The following MELTF variants were observed in gnomAD, a reference collection of about 807,000 sequenced individuals.
MELTF encodes the protein antigen p97 (melanoma associated) identified by monoclonal antibodies 133.2 and 96.5.
A neutral mutation model predicts 83.7 loss-of-function variants in MELTF; 67 were observed. The ratio of observed to expected loss-of-function variants is 0.80; its 90% CI spans 0.66 to 0.98. MELTF has a LOEUF of 0.98. Ranked by LOEUF, MELTF falls within the 50% of genes least tolerant of loss-of-function variation. The probability of loss-of-function intolerance (pLI) is 0.00; values close to 1 mark genes in which losing one functional copy is unlikely to be tolerated. For synonymous variants in MELTF, 462 were observed against 447.6 expected, an observed-to-expected ratio of 1.03 and a Z score of -0.41; for missense variants, 1,002 against 1,035.6, an observed-to-expected ratio of 0.97 and a Z score of 0.44.
At chr3:197,012,185 T>C (rs1577931699) in intron 9 of MELTF, among the ~76,000 whole-genome samples, 1 of 152,112 alleles carries the variant, frequency 6.6e-6, no homozygotes, top group Non-Finnish European at 1.5e-5. Flanking sequence ...GCTGGGGTGG[T>C]CTCCACTCCT....
chr3:197,006,002 C>T lies in MELTF; in HGVS notation c.1938+547G>A, dbSNP rs1230599747. Among the ~76,000 whole-genome samples, 1 of 152,066 alleles carries T rather than the reference C, an allele frequency of 6.6e-6. No homozygotes were observed. Among genetic ancestry groups the T allele is most frequent in the Non-Finnish European group, 1.5e-5 (1 of 68,012 alleles). ...TTGGGAGGCCGAGGTGGGCGGATCA[C>T]GAGGTCAGGAGATCGAGACCATCCT... is the stretch of plus-strand genomic sequence containing the variant. On this transcript the variant is annotated intron_variant, in intron 14 of 15. Coordinates refer to ENST00000296350, the MANE Select transcript of MELTF (RefSeq NM_005929.6). This position sits in a 1 kb window ranked among gnomAD's most constrained non-coding sequence, Gnocchi z 5.4.
chr3:197,016,084 G>T (rs1223969273), intron 8 of MELTF, 105 bp downstream of exon 8: 1 of 1,002,934 alleles, frequency 1.0e-6, no homozygotes, highest in African/African-American at 1.7e-5. Context: ...TCCCGCAGAG[G>T]CCTCCCTGGT....
intron 6 of MELTF, among the ~76,000 whole-genome samples, chr3:197,020,184 A>G (rs1056498960): frequency 3.9e-5 from 6 of 152,256 alleles, no homozygotes; most frequent in African/African-American, 1.2e-4. Flanking sequence ...CCAATGTCAT[A>G]AAAACAAAGA....
At chr3:197,004,255 A>G (rs780441502) in intron 14 of MELTF, 156 bp from the exon 15 acceptor site, 71 of 739,980 alleles carry the variant, frequency 9.6e-5, no homozygotes, top group Non-Finnish European at 1.6e-4. Context: ...AAGCTTGACA[A>G]CTGATTGGCC....
intron 9 of MELTF, among the ~76,000 whole-genome samples, chr3:197,012,702 C>T (rs1267116276): frequency 2.0e-5 from 3 of 152,230 alleles, no homozygotes; most frequent in African/African-American, 4.8e-5. Flanking sequence ...TGCAGGGCCA[C>T]GGGGGCCCCC....
chr3:197,004,304 G>C (rs1255441771), intron 14 of MELTF: 2 of 597,764 alleles, frequency 3.3e-6, no homozygotes, highest in Non-Finnish European at 3.0e-6. Context: ...TAGGCCCGCA[G>C]GTGCCACTGG....
intron 6 of MELTF, chr3:197,019,084 A>T: frequency 1.2e-5 from 12 of 985,506 alleles, no homozygotes; most frequent in Non-Finnish European, 1.4e-5. Context: ...ACAAAACCAA[A>T]CACCCGCACC....
At chr3:197,021,255 G>A in intron 6 of MELTF, 149 bp downstream of exon 6, 1 of 661,990 alleles carries the variant, frequency 1.5e-6, no homozygotes, top group Non-Finnish European at 2.6e-6. Flanking sequence ...GAGGCTCGGA[G>A]ACTGTGGGAC....
Position 197,029,419 on chromosome 3 carries a change from T to C in MELTF, c.49+235A>G, listed in dbSNP as rs1719995863. The C allele has an allele frequency of 2.6e-6, 1 of 386,140 alleles. No individual in the cohort carries two copies. The highest frequency in any genetic ancestry group is 3.7e-5 in the East Asian group (1 of 27,102). The allele number at this position is 386,140 out of a possible 1,614,324, so 23.9% of individuals were successfully genotyped here. A position where few individuals can be genotyped will look rare whatever the true frequency, so the allele number is the denominator to read the frequency against. ...TCAGCCCGCGCTTCTCCTTGGAGCG[T>C]CGGAAGCCTCGGGTGTTCGAGGCCG... On this transcript the variant is annotated intron_variant, in intron 1 of 15. Coordinates refer to ENST00000296350, the MANE Select transcript of MELTF (RefSeq NM_005929.6). This position sits in a 1 kb window ranked among gnomAD's most constrained non-coding sequence, Gnocchi z 6.5.
At chr3:197,017,746 G>A (rs867141079) in intron 6 of MELTF, among the ~76,000 whole-genome samples, 55 of 152,092 alleles carry the variant, frequency 3.6e-4, no homozygotes, top group East Asian at 7.8e-4. Context: ...GCGTGGTGGC[G>A]GGCGCCTGTA....
Position 197,013,914 on chromosome 3 carries a change from C to T in MELTF, c.1233+1451G>A, listed in dbSNP as rs184345448. Among the ~76,000 whole-genome samples, 20 of 152,326 alleles carry T rather than the reference C, an allele frequency of 1.3e-4. No homozygotes were observed. The South Asian group carries it at 1.7e-3, about 13-fold the overall frequency. The stretch of plus-strand genomic sequence containing the variant: ...CACACCGTTGCTGGGGATGTAAACC[C>T]GGACAGCCGCTATGGAAAACAGTAC... On this transcript the variant is annotated intron_variant, in intron 9 of 15. Transcript: ENST00000296350.
Position 197,022,974 on chromosome 3 carries a change from G to T in MELTF, c.627C>A (p.Asp209Glu). 6.2e-7 allele frequency: 1 copy of T among 1,610,762 alleles called. No homozygotes were observed. The highest frequency in any genetic ancestry group is 8.5e-7 in the Non-Finnish European group (1 of 1,179,082). Residue 209 changes from aspartate to glutamate, a missense_variant, in exon 5 of 16, where the codon GAC (aspartate) becomes GAA (glutamate). Coordinates refer to ENST00000296350, the MANE Select transcript of MELTF (RefSeq NM_005929.6). This position sits in a 1 kb window ranked among gnomAD's most constrained non-coding sequence, Gnocchi z 5.1. The part of the protein sequence containing the change: ...CDKSPLERYY[D>E]YSGAFRCLAE... ...CCGCTCACCGGAAGGCCCCGCTGTA[G>T]TCGTAGTATCTCTCCAGGGGGCTCT...
At chr3:197,019,582 C>T in intron 6 of MELTF, 1 of 1,584,502 alleles carries the variant, frequency 6.3e-7, no homozygotes, top group Non-Finnish European at 8.6e-7. Flanking sequence ...CAAAAAAAAC[C>T]CCAAGTTTGA....
chr3:197,026,798 G>T, intron 2 of MELTF, 39 bp from the exon 3 acceptor site: 1 of 1,587,788 alleles, frequency 6.3e-7, no homozygotes, highest in Non-Finnish European at 8.6e-7. Flanking sequence ...TGGCCCAGCT[G>T]GCCTGCTCAG....
rs758281446 is a variant in MELTF at position 197,006,775 on chromosome 3, G to A, written c.1751-39C>T. On this transcript the variant is annotated intron_variant, in intron 13 of 15. Transcript: ENST00000296350. The surrounding 1 kb of genome is among the most constrained non-coding windows in gnomAD (Gnocchi z 5.4). ...AGCAGTGTGTGTGGGGACGTTCCGG[G>A]AGTGGAGAGAAGTGTAAAGAGAAGC... The A allele has an allele frequency of 1.6e-5, 23 of 1,465,500 alleles. No individual in the cohort carries two copies. The Admixed American group carries it at 5.5e-4, about 35-fold the overall frequency. The allele number at this position is 1,465,500 out of a possible 1,614,324, so 90.8% of individuals were successfully genotyped here.
rs1280834880 is a variant in MELTF at position 197,029,648 on chromosome 3, C to T, written c.49+6G>A. On this transcript the variant is annotated splice_donor_region_variant and intron_variant, in intron 1 of 15. Coordinates refer to ENST00000296350, the MANE Select transcript of MELTF (RefSeq NM_005929.6). The surrounding 1 kb of genome is among the most constrained non-coding windows in gnomAD (Gnocchi z 6.5). Reference sequence around the variant, plus strand: ...CCCGCCTTTGGCTCTCACAGCGGGGCCTCACCGGTGCGCAGAGCCAGGAGC... The same window carrying T: ...CCCGCCTTTGGCTCTCACAGCGGGGTCTCACCGGTGCGCAGAGCCAGGAGC... 2.7e-5 allele frequency: 33 copies of T among 1,245,266 alleles called. No individual in the cohort carries two copies. The highest frequency in any genetic ancestry group is 3.2e-5 in the Non-Finnish European group (32 of 996,266). 77.1% of individuals were successfully genotyped at this position (1,245,266 alleles called of 1,614,324 possible).
At chr3:197,019,458 A>G in intron 6 of MELTF, 3 of 1,444,200 alleles carry the variant, frequency 2.1e-6, no homozygotes, top group Non-Finnish European at 2.7e-6. Flanking sequence ...AACACTTTGA[A>G]AAAGCTGCCA....
chr3:197,008,629 C>CT lies in MELTF; in HGVS notation c.1750+27dup. 6.2e-7 allele frequency: 1 copy of CT among 1,608,930 alleles called. No individual in the cohort carries two copies. Among genetic ancestry groups the CT allele is most frequent in the Non-Finnish European group, 8.5e-7 (1 of 1,176,996 alleles). On this transcript the variant is annotated intron_variant, in intron 13 of 15. Transcript: ENST00000296350. The surrounding 1 kb of genome is among the most constrained non-coding windows in gnomAD (Gnocchi z 5.4). ...ATGGGGAACAGTCCCCCCGACCTAC[C>CT]TTTGGCCCTGCTCTTGCCCCCACCT...
At chr3:197,004,187 A>G in intron 14 of MELTF, 88 bp from the exon 15 acceptor site, 1 of 1,261,840 alleles carries the variant, frequency 7.9e-7, no homozygotes, top group Non-Finnish European at 1.2e-6. Context: ...ATTGCTTTAC[A>G]TACAGTGACC....
Sources: allele counts gnomAD v4.1 joint callset (sites outside exome capture counted in the v4.1 genomes callset), GRCh38; gene constraint gnomAD v4.1.1; non-coding constraint Gnocchi (gnomAD v3.1); transcripts MANE v1.5; gene names NCBI Gene and HGNC (gene_info 2026-07-23, HGNC 2026-07-21).